The following GUCA1C variants were observed in gnomAD, a reference collection of about 807,000 sequenced individuals.
GUCA1C encodes the protein guanylyl cyclase-activating protein 3.
GUCA1C carries 15 observed loss-of-function variants against 16.2 expected under a neutral mutation model. That is an observed-to-expected ratio of 0.93 (90% CI 0.62 to 1.43). The LOEUF is 1.43. GUCA1C is among the 40% of genes most tolerant of loss of function. GUCA1C has a pLI of 0.00. For missense variants in GUCA1C, 275 were observed against 244.8 expected (o/e 1.12, Z -0.82); for synonymous variants, 78 against 85.4 (o/e 0.91, Z 0.48).
chr3:108,948,125 A>G (rs904650995), intron 1 of GUCA1C, among the ~76,000 whole-genome samples: 1 of 152,048 alleles, frequency 6.6e-6, no homozygotes, highest in African/African-American at 2.4e-5. Flanking sequence ...GTTTGTTGAT[A>G]CATGTCCTCT....
intron 2 of GUCA1C, among the ~76,000 whole-genome samples, chr3:108,917,833 C>T (rs1267620598): frequency 6.6e-6 from 1 of 152,072 alleles, no homozygotes; most frequent in Non-Finnish European, 1.5e-5. Flanking sequence ...ATCACGAGGT[C>T]AGGAGTTCAT....
intron 3 of GUCA1C, 67 bp from the exon 4 acceptor site, chr3:108,908,276 C>A (rs1946411748): frequency 1.1e-6 from 1 of 902,194 alleles, no homozygotes. Context: ...ATGATATACT[C>A]ACTGGTATGT....
intron 3 of GUCA1C, among the ~76,000 whole-genome samples, chr3:108,911,632 C>T (rs1946454786): frequency 6.6e-6 from 1 of 152,200 alleles, no homozygotes; most frequent in Non-Finnish European, 1.5e-5. Flanking sequence ...TTTTCCTCTA[C>T]GTGGAAACTC....
In GUCA1C at chr3:108,908,052, C is replaced by G. The variant is rs755141026; in HGVS notation, c.600G>C (p.Lys200Asn). The G allele has an allele frequency of 5.6e-6, 9 of 1,613,800 alleles. No individual in the cohort carries two copies. Among genetic ancestry groups the G allele is most frequent in the Non-Finnish European group, 7.6e-6 (9 of 1,179,838 alleles). ...TCATTTTCACCTTCCCTAGACCAGCCTTGTCAGGAGATTTGGAGGAGTCTG... is the reference window on the plus strand; with the variant it reads ...TCATTTTCACCTTCCCTAGACCAGCGTTGTCAGGAGATTTGGAGGAGTCTG... The part of the protein sequence containing the change: ...METDSSKSPD[K>N]AGLGKVKMK Residue 200 changes from lysine to asparagine, a missense_variant, in exon 4 of 4, where the codon AAG (lysine) becomes AAC (asparagine). By Grantham distance (94) the Lys-to-Asn change is moderately conservative. Transcript: ENST00000261047.
chr3:108,938,192 C>A (rs1232407617), intron 1 of GUCA1C, among the ~76,000 whole-genome samples: 1 of 152,162 alleles, frequency 6.6e-6, no homozygotes, highest in Non-Finnish European at 1.5e-5. Context: ...GAACTATAGA[C>A]TCAGATCAAA....
intron 1 of GUCA1C, among the ~76,000 whole-genome samples, chr3:108,922,990 C>T (rs954689138): frequency 6.6e-6 from 1 of 151,990 alleles, no homozygotes; most frequent in African/African-American, 2.4e-5. Context: ...TGAACTCATT[C>T]TTTTTTATTA....
chr3:108,919,835 C>T (rs777848569), intron 2 of GUCA1C, among the ~76,000 whole-genome samples: 4 of 152,088 alleles, frequency 2.6e-5, no homozygotes, highest in Non-Finnish European at 5.9e-5. Context: ...ATTAATTACA[C>T]CTCTTATCTT....
Position 108,951,345 on chromosome 3 carries a change from C to A in GUCA1C, c.204+2214G>T, listed in dbSNP as rs369978369. ...TGAGATGATGGATGTTAATTTGCTT[C>A]ATTACAGTAACCCTTTTTCCTATCC... On this transcript the variant is annotated intron_variant, in intron 1 of 3. Transcript: ENST00000261047. Among the ~76,000 whole-genome samples the A allele has an allele frequency of 6.6e-5, 10 of 152,328 alleles. No homozygotes were observed. In the South Asian group the frequency reaches 2.1e-3, roughly 32 times the overall value.
chr3:108,928,133 T>C (rs1946638609), intron 1 of GUCA1C, among the ~76,000 whole-genome samples: 2 of 152,346 alleles, frequency 1.3e-5, no homozygotes, highest in East Asian at 3.9e-4. Context: ...AGTGGTGATC[T>C]AGTTCTTTCA....
chr3:108,946,306 GT>G (rs563142709), intron 1 of GUCA1C, among the ~76,000 whole-genome samples: 3 of 150,646 alleles, frequency 2.0e-5, no homozygotes, highest in Non-Finnish European at 4.4e-5. Context: ...TTTTTTGTGC[GT>G]TTTTTTTAGA....
At chr3:108,945,692 T>C (rs1175296430) in intron 1 of GUCA1C, among the ~76,000 whole-genome samples, 3 of 152,188 alleles carry the variant, frequency 2.0e-5, no homozygotes, top group African/African-American at 7.2e-5. Flanking sequence ...ACGTAGAACA[T>C]GTACATATTT....
In GUCA1C at chr3:108,953,573, AG is replaced by A; in HGVS notation, c.189del (p.Phe64LeufsTer18). On this transcript the variant is annotated frameshift_variant, in exon 1 of 4. Coordinates refer to ENST00000261047, the MANE Select transcript of GUCA1C (RefSeq NM_005459.4). LOFTEE classifies it high-confidence loss of function. ...ANKHIDQVYN[T>X]FDTNKDGFVD... The stretch of plus-strand genomic sequence containing the variant: ...AAAGATCTTACCTTGTTCGTGTCAA[AG>A]GTATTATAAACTTGATCAATATGTT... 6.2e-7 allele frequency: 1 copy of A among 1,600,208 alleles called. No individual in the cohort carries two copies. The highest frequency in any genetic ancestry group is 1.1e-5 in the South Asian group (1 of 90,764).
At chr3:108,924,945 A>C (rs2953345) in intron 1 of GUCA1C, among the ~76,000 whole-genome samples, 112,803 of 151,984 alleles carry the variant, frequency 0.74, 42,455 homozygotes, top group Non-Finnish European at 0.78. Flanking sequence ...CTTGAATGAT[A>C]TTTTGTATTT....
At chr3:108,947,738 G>T (rs1946856065) in intron 1 of GUCA1C, among the ~76,000 whole-genome samples, 1 of 152,098 alleles carries the variant, frequency 6.6e-6, no homozygotes, top group Non-Finnish European at 1.5e-5. Flanking sequence ...TTTTATAATT[G>T]CTGAAGCTGG....
At chr3:108,928,602 A>G (rs1050840477) in intron 1 of GUCA1C, among the ~76,000 whole-genome samples, 2 of 152,080 alleles carry the variant, frequency 1.3e-5, no homozygotes, top group Admixed American at 6.5e-5. Context: ...ATTCATTTTG[A>G]GTAAATTTTT....
At chr3:108,926,263 T>C (rs920759999) in intron 1 of GUCA1C, among the ~76,000 whole-genome samples, 7 of 152,236 alleles carry the variant, frequency 4.6e-5, no homozygotes, top group African/African-American at 1.7e-4. Flanking sequence ...GCTTTTGGTG[T>C]TCATTTGCTT....
intron 1 of GUCA1C, among the ~76,000 whole-genome samples, chr3:108,943,018 A>G (rs926922188): frequency 2.0e-5 from 3 of 152,206 alleles, no homozygotes; most frequent in Non-Finnish European, 4.4e-5. Flanking sequence ...TGAAGCAGGA[A>G]TCAAGAGTTC....
intron 1 of GUCA1C, among the ~76,000 whole-genome samples, chr3:108,932,120 G>C (rs554233433): frequency 6.6e-6 from 1 of 151,650 alleles, no homozygotes; most frequent in Non-Finnish European, 1.5e-5. Context: ...AAAGTGCTGG[G>C]ATTGCAGGCT....
chr3:108,915,289 A>C (rs1946496736), intron 3 of GUCA1C, among the ~76,000 whole-genome samples: 1 of 152,200 alleles, frequency 6.6e-6, no homozygotes, highest in Non-Finnish European at 1.5e-5. Context: ...AATGATGACA[A>C]CTGTGATTGG....
Sources: allele counts gnomAD v4.1 joint callset (sites outside exome capture counted in the v4.1 genomes callset), GRCh38; gene constraint gnomAD v4.1.1; transcripts MANE v1.5; gene names NCBI Gene and HGNC (gene_info 2026-07-23, HGNC 2026-07-21).